HPSE2: variants seen among roughly 807,000 people sequenced by gnomAD.
HPSE2 encodes heparanase 2 (inactive).
Under a neutral mutation model 60.5 loss-of-function variants are expected in HPSE2, and 38 were observed. The ratio of observed to expected loss-of-function variants is 0.63; its 90% CI spans 0.48 to 0.82. The LOEUF is 0.82. HPSE2 is among the 40% of genes least tolerant of loss of function. The probability of loss-of-function intolerance (pLI) is 0.00; values close to 1 mark genes in which losing one functional copy is unlikely to be tolerated. For missense variants in HPSE2, 713 were observed against 740.4 expected, an observed-to-expected ratio of 0.96 and a Z score of 0.43; for synonymous variants, 295 against 293.2, an observed-to-expected ratio of 1.01 and a Z score of -0.06.
At chr10:98,534,968 T>TA (rs58274046) in intron 9 of HPSE2, among the ~76,000 whole-genome samples, 60,184 of 152,076 alleles carry the variant, frequency 0.4, 14,526 homozygotes, top group Admixed American at 0.52. Flanking sequence ...GTTAGCATGT[T>TA]ACCTCCTAAG....
rs370982447 is a variant in HPSE2, at chr10:98,898,437, T to C, written c.611-154381A>G. Among the ~76,000 whole-genome samples the C allele has an allele frequency of 6.6e-5, 10 of 152,300 alleles. No individual in the cohort carries two copies. In the South Asian group the frequency reaches 1.2e-3, roughly 19 times the overall value. On this transcript the variant is annotated intron_variant, in intron 3 of 11. Transcript: ENST00000370552. ...ATCAAGCCACAAAGACATGGATTAA[T>C]CTTAAACGCATACTAAGTAAAAGAA...
chr10:98,517,386 G>A (rs898904789), intron 9 of HPSE2, among the ~76,000 whole-genome samples: 3 of 152,046 alleles, frequency 2.0e-5, no homozygotes, highest in African/African-American at 7.2e-5. Context: ...CCTTCATTTG[G>A]AGAACCGCTG....
the HPSE2 span, among the ~76,000 whole-genome samples, chr10:99,253,870 T>C: frequency 3.9e-5 from 6 of 152,092 alleles, no homozygotes; most frequent in African/African-American, 1.4e-4. Flanking sequence ...TCCACATAAC[T>C]AATCATCAGA....
chr10:98,619,951 G>A (rs1271644806), intron 8 of HPSE2, among the ~76,000 whole-genome samples: 2 of 152,206 alleles, frequency 1.3e-5, no homozygotes, highest in Admixed American at 6.5e-5. Context: ...CTGGGTTTGA[G>A]TCCAAGCTGT....
At chr10:99,201,565 A>G (rs1848576620) in intron 2 of HPSE2, among the ~76,000 whole-genome samples, 4 of 152,164 alleles carry the variant, frequency 2.6e-5, no homozygotes, top group Admixed American at 6.5e-5. Context: ...CTACAACTTC[A>G]TTTTTCAAGG....
intron 3 of HPSE2, among the ~76,000 whole-genome samples, chr10:98,964,061 G>A (rs1589435473): frequency 6.6e-6 from 1 of 152,232 alleles, no homozygotes; most frequent in South Asian, 2.1e-4. Context: ...ATTACTATAT[G>A]AGGAACACCT....
At chr10:98,540,889 A>C (rs150402720) in intron 9 of HPSE2, among the ~76,000 whole-genome samples, 2 of 152,330 alleles carry the variant, frequency 1.3e-5, no homozygotes, top group African/African-American at 4.8e-5. Context: ...ATTAAATTTG[A>C]GGTTGTGGGA....
intron 3 of HPSE2, among the ~76,000 whole-genome samples, chr10:98,977,671 T>A (rs148610557): frequency 6.6e-6 from 1 of 152,096 alleles, no homozygotes; most frequent in East Asian, 1.9e-4. Flanking sequence ...ATAAACACTG[T>A]CTTCCATAGT....
At chr10:98,836,408 G>T (rs1951791284) in intron 3 of HPSE2, among the ~76,000 whole-genome samples, 1 of 152,210 alleles carries the variant, frequency 6.6e-6, no homozygotes, top group Non-Finnish European at 1.5e-5. Context: ...ACAGAACCCA[G>T]AATGCTTTAT....
At chr10:99,067,462 A>C (rs1022863887) in intron 3 of HPSE2, among the ~76,000 whole-genome samples, 1 of 152,030 alleles carries the variant, frequency 6.6e-6, no homozygotes, top group African/African-American at 2.4e-5. Flanking sequence ...CTTTCCATAC[A>C]TCCTCTGAAA....
chr10:99,112,558 G>A (rs1477476290), intron 3 of HPSE2, among the ~76,000 whole-genome samples: 2 of 152,088 alleles, frequency 1.3e-5, no homozygotes, highest in East Asian at 1.9e-4. Context: ...CAAAGTGCTG[G>A]GATTACAGGC....
At chr10:98,804,651 T>A (rs837745) in intron 3 of HPSE2, among the ~76,000 whole-genome samples, 43 of 152,090 alleles carry the variant, frequency 2.8e-4, no homozygotes, top group African/African-American at 9.4e-4. Flanking sequence ...AGAGGATGTA[T>A]ACGGTACGGA....
At chr10:98,548,602 G>A (rs1023331719) in intron 9 of HPSE2, among the ~76,000 whole-genome samples, 2 of 146,660 alleles carry the variant, frequency 1.4e-5, no homozygotes, top group African/African-American at 4.9e-5. Context: ...GGGCAACAGA[G>A]TGAGACTCCA....
rs865954237 is a variant in HPSE2 at position 98,690,350 on chromosome 10, C to T, written c.1004+3550G>A. ...GGTCAGGAGATCAAGACCATCCTGGCTAACATGGTGAAACCCCATCTCTAA... is the reference window on the plus strand; with the variant it reads ...GGTCAGGAGATCAAGACCATCCTGGTTAACATGGTGAAACCCCATCTCTAA... On this transcript the variant is annotated intron_variant, in intron 6 of 11. Coordinates refer to ENST00000370552, the MANE Select transcript of HPSE2 (RefSeq NM_021828.5). Among the ~76,000 whole-genome samples the T allele has an allele frequency of 5.9e-5, 9 of 152,112 alleles. 1 individual carries two copies. In the South Asian group the frequency reaches 1.0e-3, roughly 17 times the overall value.
the HPSE2 span, among the ~76,000 whole-genome samples, chr10:99,273,538 T>C: frequency 6.6e-6 from 1 of 152,212 alleles, no homozygotes; most frequent in South Asian, 2.1e-4. Context: ...GAAAATGTTA[T>C]CTGAGAAAAT....
At chr10:99,017,032 C>A (rs755310200) in intron 3 of HPSE2, among the ~76,000 whole-genome samples, 2 of 152,022 alleles carry the variant, frequency 1.3e-5, no homozygotes, top group African/African-American at 2.4e-5. Flanking sequence ...CTTTTTCTTG[C>A]CTGATTGTCC....
chr10:98,744,996 A>T (rs991648751), intron 3 of HPSE2, among the ~76,000 whole-genome samples: 1 of 151,896 alleles, frequency 6.6e-6, no homozygotes, highest in African/African-American at 2.4e-5. Flanking sequence ...AGGTCAGGAG[A>T]TGGAGACCAT....
intron 9 of HPSE2, among the ~76,000 whole-genome samples, chr10:98,509,651 G>A (rs1942321758): frequency 1.3e-5 from 2 of 151,994 alleles, no homozygotes; most frequent in Admixed American, 6.5e-5. Flanking sequence ...ACAGGCGCCT[G>A]CCATCGTGCT....
At chr10:98,991,971 G>A (rs1956536451) in intron 3 of HPSE2, among the ~76,000 whole-genome samples, 1 of 152,114 alleles carries the variant, frequency 6.6e-6, no homozygotes, top group Admixed American at 6.5e-5. Flanking sequence ...CATTTTATCA[G>A]TTCCACATAC....
Sources: gnomAD v4.1 joint callset for allele counts (sites outside exome capture counted in the v4.1 genomes callset) on GRCh38, gnomAD v4.1.1 for gene constraint, MANE v1.5 for transcripts, NCBI Gene and HGNC (gene_info 2026-07-23, HGNC 2026-07-21) for gene names.